SBF2: variants seen among roughly 807,000 people sequenced by gnomAD.
SBF2 encodes myotubularin-related protein 13.
Under a neutral mutation model 225.2 loss-of-function variants are expected in SBF2, and 112 were observed. The observed-to-expected ratio is 0.50, with a 90% CI of 0.43 to 0.58. The LOEUF (loss-of-function observed/expected upper bound fraction) is 0.58. SBF2 is among the 20% of genes least tolerant of loss of function. SBF2 has a pLI of 0.00. For missense variants in SBF2, 1,996 were observed against 2,206.2 expected (o/e 0.90, Z 1.91); for synonymous variants, 763 against 773.3 (o/e 0.99, Z 0.22).
chr11:9,867,098 T>C lies in SBF2; in HGVS notation c.1930-8702A>G, dbSNP rs146367203. Among the ~76,000 whole-genome samples, 920 of 152,310 alleles carry C rather than the reference T, an allele frequency of 6.0e-3. 17 individuals are homozygous for C. The highest frequency in any genetic ancestry group is 0.021 in the African/African-American group (879 of 41,558). On this transcript the variant is annotated intron_variant, in intron 17 of 39. Transcript: ENST00000256190. ...GTGACTACAGTAATTAATGGTTTAATTGTACATTTAAAAATAACTAAAAGG... is the reference window on the plus strand; with the variant it reads ...GTGACTACAGTAATTAATGGTTTAACTGTACATTTAAAAATAACTAAAAGG...
At chr11:10,154,135 G>A (rs1955355237) in intron 2 of SBF2, among the ~76,000 whole-genome samples, 1 of 151,138 alleles carries the variant, frequency 6.6e-6, no homozygotes, top group South Asian at 2.1e-4. Context: ...ACTTTTCAAA[G>A]TTGTTTTGCC....
chr11:10,028,355 C>T lies in SBF2; in HGVS notation c.619+97G>A, dbSNP rs1215954203. 3.6e-6 allele frequency: 3 copies of T among 822,052 alleles called. No individual in the cohort carries two copies. The East Asian group carries it at 7.3e-5, about 20-fold the overall frequency. 50.9% of individuals were successfully genotyped at this position (822,052 alleles called of 1,614,324 possible). A position where few individuals can be genotyped will look rare whatever the true frequency, so the allele number is the denominator to read the frequency against. On this transcript the variant is annotated intron_variant, in intron 6 of 39. Transcript: ENST00000256190. ...ATAAAATATTTAATGGTTTAAAAAA[C>T]ATTTTCTTGATTCATGTGAGGTGAT...
chr11:9,829,304 AAC>A, intron 28 of SBF2, 50 bp downstream of exon 28: 1 of 1,580,738 alleles, frequency 6.3e-7, no homozygotes, highest in Non-Finnish European at 8.7e-7. Context: ...CTAGGAACAG[AAC>A]TGACCTTTCA....
intron 17 of SBF2, among the ~76,000 whole-genome samples, chr11:9,862,793 G>A (rs534201206): frequency 6.6e-6 from 1 of 151,646 alleles, no homozygotes; most frequent in African/African-American, 2.4e-5. Flanking sequence ...TAATTTCTCT[G>A]GTTTGAAGAA....
chr11:10,009,015 C>T (rs967714885), intron 6 of SBF2, among the ~76,000 whole-genome samples: 95 of 152,306 alleles, frequency 6.2e-4, no homozygotes, highest in African/African-American at 2.2e-3. Flanking sequence ...TCTTTTCTCA[C>T]TCATTTTTAG....
rs530466379 is a variant in SBF2 at position 10,141,853 on chromosome 11, C to T, written c.141+52049G>A. Among the ~76,000 whole-genome samples, 7 of 152,266 alleles carry T rather than the reference C, an allele frequency of 4.6e-5. No homozygotes were observed. The East Asian group carries it at 1.3e-3, about 29-fold the overall frequency. ...TACAAAACTTGCATTCATCAAGAAA[C>T]TATGCCAGAAAATTTCTGAGTTTAA... On this transcript the variant is annotated intron_variant, in intron 2 of 39. Transcript: ENST00000256190.
chr11:10,182,464 C>T (rs1362498975), intron 2 of SBF2, among the ~76,000 whole-genome samples: 1 of 152,158 alleles, frequency 6.6e-6, no homozygotes, highest in Non-Finnish European at 1.5e-5. Context: ...AAGTCTTTCA[C>T]ATAATGATTT....
intron 2 of SBF2, among the ~76,000 whole-genome samples, chr11:10,159,345 G>A (rs569656646): frequency 6.6e-6 from 1 of 152,218 alleles, no homozygotes; most frequent in Admixed American, 6.5e-5. Flanking sequence ...TAGAAATTAT[G>A]GTTTAGGAGT....
At chr11:10,166,527 C>T (rs1955956917) in intron 2 of SBF2, among the ~76,000 whole-genome samples, 1 of 151,802 alleles carries the variant, frequency 6.6e-6, no homozygotes, top group Non-Finnish European at 1.5e-5. Context: ...TTATATACTT[C>T]TATATTTATA....
At chr11:10,162,855 T>C (rs982820621) in intron 2 of SBF2, among the ~76,000 whole-genome samples, 5 of 152,212 alleles carry the variant, frequency 3.3e-5, no homozygotes, top group African/African-American at 1.2e-4. Flanking sequence ...TCTGTTTATA[T>C]GTGGGGCTTC....
intron 2 of SBF2, among the ~76,000 whole-genome samples, chr11:10,154,771 T>C (rs1955388115): frequency 6.6e-6 from 1 of 152,198 alleles, no homozygotes; most frequent in Non-Finnish European, 1.5e-5. Context: ...ATGTTTTCTT[T>C]TAGCAGGCAG....
intron 16 of SBF2, among the ~76,000 whole-genome samples, chr11:9,925,565 C>T (rs979713447): frequency 6.6e-6 from 1 of 152,230 alleles, no homozygotes; most frequent in African/African-American, 2.4e-5. Flanking sequence ...CGTGAGCCAC[C>T]GTGCCCGTCC....
intron 2 of SBF2, among the ~76,000 whole-genome samples, chr11:10,073,203 G>C (rs1222386889): frequency 6.6e-6 from 1 of 152,024 alleles, no homozygotes; most frequent in Non-Finnish European, 1.5e-5. Flanking sequence ...ATCAATAAAG[G>C]CTTATCTGAA....
At chr11:9,796,342 ACC>A (rs1259741932) in intron 32 of SBF2, among the ~76,000 whole-genome samples, 1 of 152,134 alleles carries the variant, frequency 6.6e-6, no homozygotes, top group Non-Finnish European at 1.5e-5. Context: ...CAAAGTCTCT[ACC>A]CCACTCACTA....
chr11:9,879,739 C>T (rs569408180), intron 17 of SBF2, among the ~76,000 whole-genome samples: 94 of 152,242 alleles, frequency 6.2e-4, no homozygotes, highest in African/African-American at 2.2e-3. Flanking sequence ...TTAGTTATCA[C>T]CATTTTAGAG....
intron 1 of SBF2, among the ~76,000 whole-genome samples, chr11:10,202,898 T>C (rs1002039376): frequency 1.3e-5 from 2 of 151,934 alleles, no homozygotes; most frequent in Non-Finnish European, 2.9e-5. Context: ...AAAAACAAAA[T>C]CTACAAAACA....
intron 1 of SBF2, among the ~76,000 whole-genome samples, chr11:10,211,430 G>A (rs996775468): frequency 5.3e-5 from 8 of 152,338 alleles, no homozygotes; most frequent in African/African-American, 1.9e-4. Flanking sequence ...ACAAGATGCA[G>A]TAGCTTATCT....
intron 16 of SBF2, among the ~76,000 whole-genome samples, chr11:9,933,742 C>T (rs1340083607): frequency 3.9e-5 from 6 of 151,980 alleles, no homozygotes; most frequent in African/African-American, 1.4e-4. Flanking sequence ...ACATCACAAT[C>T]AAAAGAACTA....
chr11:10,042,200 G>A (rs954550939), intron 3 of SBF2, among the ~76,000 whole-genome samples: 4 of 152,092 alleles, frequency 2.6e-5, no homozygotes, highest in Non-Finnish European at 5.9e-5. Flanking sequence ...CACCAAGCTG[G>A]GCTGTTCCTA....
Sources: allele counts gnomAD v4.1 joint callset (sites outside exome capture counted in the v4.1 genomes callset), GRCh38; gene constraint gnomAD v4.1.1; transcripts MANE v1.5; gene names NCBI Gene and HGNC (gene_info 2026-07-23, HGNC 2026-07-21).